The following SLC38A12 variants were observed in gnomAD, a reference collection of about 807,000 sequenced individuals.
The protein encoded by SLC38A12 is putative sodium-coupled neutral amino acid transporter 12.
chr17:74,826,398 G>T, the SLC38A12 span, among the ~76,000 whole-genome samples: 2 of 152,202 alleles, frequency 1.3e-5, no homozygotes, highest in Admixed American at 1.3e-4. Context: ...CTATAAAGCT[G>T]CTTGTTTCAG....
chr17:74,790,219 C>T, the SLC38A12 span: 1 of 1,614,088 alleles, frequency 6.2e-7, no homozygotes, highest in Non-Finnish European at 8.5e-7. Context: ...GATGACGACT[C>T]CTCCACAGCC....
At chr17:74,778,128 G>T in the SLC38A12 span, among the ~76,000 whole-genome samples, 1 of 152,214 alleles carries the variant, frequency 6.6e-6, no homozygotes, top group African/African-American at 2.4e-5. Flanking sequence ...TCTAATTACA[G>T]TTTGGTGGAC....
chr17:74,795,721 T>C, the SLC38A12 span: 1 of 1,032,318 alleles, frequency 9.7e-7, no homozygotes, highest in Admixed American at 2.1e-5. Flanking sequence ...GGTAGAATCC[T>C]TTCCCCAGAG....
At chr17:74,834,537 G>A in the SLC38A12 span, among the ~76,000 whole-genome samples, 2 of 152,182 alleles carry the variant, frequency 1.3e-5, no homozygotes, top group Non-Finnish European at 2.9e-5. Context: ...CTGGTTTCCT[G>A]TGGGTCCCAT....
chr17:74,827,566 G>A, the SLC38A12 span, among the ~76,000 whole-genome samples: 1 of 152,092 alleles, frequency 6.6e-6, no homozygotes, highest in African/African-American at 2.4e-5. The surrounding 1 kb of genome is among the most constrained non-coding windows in gnomAD (Gnocchi z 4.7). Flanking sequence ...AAAGTGGTGG[G>A]ATTACAGGCA....
At chr17:74,800,913 A>T in the SLC38A12 span, among the ~76,000 whole-genome samples, 1 of 152,234 alleles carries the variant, frequency 6.6e-6, no homozygotes, top group African/African-American at 2.4e-5. Context: ...TAGAAACGGA[A>T]TGCAGGACCC....
the SLC38A12 span, among the ~76,000 whole-genome samples, chr17:74,784,500 G>A: frequency 6.6e-6 from 1 of 152,228 alleles, no homozygotes; most frequent in Admixed American, 6.5e-5. Context: ...TCTGCAGAAA[G>A]GTTGATACTA....
the SLC38A12 span, chr17:74,835,935 G>C: frequency 6.3e-7 from 1 of 1,599,380 alleles, no homozygotes. Context: ...AGCTTTCGCC[G>C]TCATGATTGT....
chr17:74,800,343 CCT>C, the SLC38A12 span, among the ~76,000 whole-genome samples: 4 of 152,216 alleles, frequency 2.6e-5, no homozygotes, highest in African/African-American at 7.2e-5. Context: ...TGATTGATGC[CCT>C]GTCTGCCCTG....
chr17:74,835,899 C>T, the SLC38A12 span: 1 of 1,576,794 alleles, frequency 6.3e-7, no homozygotes, highest in Non-Finnish European at 8.6e-7. Context: ...CTGTCCCCAC[C>T]AGGTGACTCC....
At chr17:74,836,274 T>C in the SLC38A12 span, 3 of 1,611,916 alleles carry the variant, frequency 1.9e-6, no homozygotes, top group Non-Finnish European at 2.5e-6. The surrounding 1 kb of genome is among the most constrained non-coding windows in gnomAD (Gnocchi z 4.2). Flanking sequence ...CCTGGGCCTC[T>C]TCCCCGTCTT....
At chr17:74,805,272 G>A in the SLC38A12 span, among the ~76,000 whole-genome samples, 1 of 152,216 alleles carries the variant, frequency 6.6e-6, no homozygotes, top group African/African-American at 2.4e-5. This position sits in a 1 kb window ranked among gnomAD's most constrained non-coding sequence, Gnocchi z 5.0. Flanking sequence ...AGAGGGGCTG[G>A]GCAACCTACA....
the SLC38A12 span, among the ~76,000 whole-genome samples, chr17:74,829,856 A>G: frequency 1.3e-5 from 2 of 151,804 alleles, no homozygotes; most frequent in Non-Finnish European, 2.9e-5. The surrounding 1 kb of genome is among the most constrained non-coding windows in gnomAD (Gnocchi z 4.1). Context: ...AGACCCCAGC[A>G]TTCTGTAAGG....
At chr17:74,784,680 C>A in the SLC38A12 span, among the ~76,000 whole-genome samples, 4,513 of 152,100 alleles carry the variant, frequency 0.03, 228 homozygotes, top group African/African-American at 0.1. Context: ...TCAGGTCAGA[C>A]AGGAAATTCA....
At chr17:74,823,117 C>T in the SLC38A12 span, among the ~76,000 whole-genome samples, 1 of 152,170 alleles carries the variant, frequency 6.6e-6, no homozygotes. Context: ...CCACACACCC[C>T]ACCCTCCTTC....
the SLC38A12 span, chr17:74,790,809 G>T: frequency 6.0e-5 from 33 of 546,194 alleles, no homozygotes; most frequent in Non-Finnish European, 7.8e-5. Flanking sequence ...GTTAAACCAT[G>T]TCAAGCAGGA....
At chr17:74,831,932 G>A in the SLC38A12 span, among the ~76,000 whole-genome samples, 1 of 152,246 alleles carries the variant, frequency 6.6e-6, no homozygotes, top group South Asian at 2.1e-4. Context: ...TCCATAACCT[G>A]TCATCCTCGT....
the SLC38A12 span, chr17:74,838,627 G>A: frequency 7.4e-7 from 1 of 1,355,134 alleles, no homozygotes; most frequent in Non-Finnish European, 9.5e-7. Flanking sequence ...GCCAAGTGGG[G>A]ACCCTCACCA....
At chr17:74,824,811 G>A in the SLC38A12 span, among the ~76,000 whole-genome samples, 7 of 152,098 alleles carry the variant, frequency 4.6e-5, no homozygotes, top group African/African-American at 1.4e-4. Context: ...TGAAGTTCTC[G>A]GCCCCACTCT....
Sources: gnomAD v4.1 joint callset for allele counts (sites outside exome capture counted in the v4.1 genomes callset) on GRCh38, gnomAD v4.1.1 for gene constraint, Gnocchi (gnomAD v3.1) non-coding constraint, MANE v1.5 for transcripts, NCBI Gene and HGNC (gene_info 2026-07-23, HGNC 2026-07-21) for gene names.